PTCSC3: variants seen among roughly 807,000 people sequenced by gnomAD.
PTCSC3 encodes papillary thyroid carcinoma susceptibility candidate 3.
At chr14:36,168,529 A>G (rs1882138504) in intron 1 of PTCSC3, among the ~76,000 whole-genome samples, 1 of 151,882 alleles carries the variant, frequency 6.6e-6, no homozygotes. Flanking sequence ...TTTGTAGCAT[A>G]ACTAGAGTAC....
At chr14:36,136,996 G>T (rs1254259129) in intron 3 of PTCSC3, among the ~76,000 whole-genome samples, 3 of 152,158 alleles carry the variant, frequency 2.0e-5, no homozygotes, top group African/African-American at 7.2e-5. Context: ...TTTCATTCTG[G>T]AAGGGGAAGA....
intron 3 of PTCSC3, among the ~76,000 whole-genome samples, chr14:36,148,456 C>A (rs867180535): frequency 6.6e-6 from 1 of 152,204 alleles, no homozygotes; most frequent in African/African-American, 2.4e-5. Context: ...CTTTCTTTGA[C>A]TCGGAAAGGG....
chr14:36,160,325 T>C (rs1185468652), intron 2 of PTCSC3, among the ~76,000 whole-genome samples: 1 of 152,220 alleles, frequency 6.6e-6, no homozygotes, highest in Non-Finnish European at 1.5e-5. Context: ...ATAGTGTCGA[T>C]GGTCTTTACT....
At chr14:36,168,360 AATATATATATATATATATATATAT>A (rs147400390) in intron 1 of PTCSC3, among the ~76,000 whole-genome samples, 4 of 113,932 alleles carry the variant, frequency 3.5e-5, no homozygotes, top group South Asian at 5.4e-4. Context: ...ATTGATTCTG[AATATATATATATATATATATATAT>A]ATATATATAT....
At chr14:36,160,487 GC>G (rs1881931521) in intron 2 of PTCSC3, among the ~76,000 whole-genome samples, 2 of 152,158 alleles carry the variant, frequency 1.3e-5, no homozygotes, top group African/African-American at 4.8e-5. Context: ...CATTTACGAA[GC>G]TTAGTTTGGC....
At chr14:36,142,197 T>A (rs1881439219) in intron 3 of PTCSC3, among the ~76,000 whole-genome samples, 1 of 152,226 alleles carries the variant, frequency 6.6e-6, no homozygotes, top group Non-Finnish European at 1.5e-5. Flanking sequence ...AAAGTTTTCT[T>A]AAATTTTTAA....
At chr14:36,168,119 T>G (rs1429395493) in intron 1 of PTCSC3, among the ~76,000 whole-genome samples, 2 of 152,042 alleles carry the variant, frequency 1.3e-5, no homozygotes, top group Admixed American at 1.3e-4. Context: ...CTCAGAACTG[T>G]TGCTGCTGAA....
chr14:36,153,481 C>T (rs1881766501), intron 3 of PTCSC3, among the ~76,000 whole-genome samples: 3 of 152,170 alleles, frequency 2.0e-5, no homozygotes, highest in Non-Finnish European at 4.4e-5. Flanking sequence ...TGTTGACACC[C>T]ACAGTGTTAA....
chr14:36,140,477 C>G (rs983312979), intron 3 of PTCSC3, among the ~76,000 whole-genome samples: 3 of 152,168 alleles, frequency 2.0e-5, no homozygotes, highest in African/African-American at 7.2e-5. Flanking sequence ...GATGCGAGGT[C>G]CTGTTGGTCC....
downstream of PTCSC3, among the ~76,000 whole-genome samples, chr14:36,135,504 G>A (rs1439214012): frequency 5.9e-5 from 9 of 152,276 alleles, no homozygotes; most frequent in East Asian, 1.7e-3. Context: ...AAAGAAGGTT[G>A]TCAATTACTA....
At position 36,143,101 on chromosome 14, in the gene PTCSC3, A is replaced by G. The variant is rs1242972174; in HGVS notation, n.323-6745T>C. ...GTTCCAAGTCTTTGCTATTGTGAAT[A>G]GTGCCGCAATAAACATACGTGTGCA... On this transcript the variant is annotated intron_variant and non_coding_transcript_variant, in intron 3 of 3. Coordinates refer to ENST00000556013, the Ensembl canonical transcript of PTCSC3. Among the ~76,000 whole-genome samples the G allele has an allele frequency of 7.3e-5, 11 of 151,550 alleles. No individual in the cohort carries two copies. In the South Asian group the frequency reaches 2.3e-3, roughly 32 times the overall value.
chr14:36,161,378 A>G (rs1435382007), intron 2 of PTCSC3, among the ~76,000 whole-genome samples: 1 of 151,970 alleles, frequency 6.6e-6, no homozygotes, highest in Admixed American at 6.6e-5. Flanking sequence ...TTGGTCTTTG[A>G]TGCTGGTGAC....
chr14:36,146,759 G>A (rs1018159994), intron 3 of PTCSC3, among the ~76,000 whole-genome samples: 5 of 152,134 alleles, frequency 3.3e-5, no homozygotes, highest in East Asian at 3.9e-4. Flanking sequence ...TCCTAGTCTC[G>A]ATGGTCTTTA....
intron 2 of PTCSC3, among the ~76,000 whole-genome samples, chr14:36,156,476 G>C (rs890927627): frequency 6.6e-6 from 1 of 151,930 alleles, no homozygotes; most frequent in Non-Finnish European, 1.5e-5. Context: ...CTAAGTTCTG[G>C]GATACACGTG....
chr14:36,143,799 G>A (rs1233308540), intron 3 of PTCSC3, among the ~76,000 whole-genome samples: 24 of 143,124 alleles, frequency 1.7e-4, no homozygotes, highest in South Asian at 2.4e-4. Context: ...TAGGTCTAAC[G>A]TTTAAGTCTT....
intron 3 of PTCSC3, among the ~76,000 whole-genome samples, chr14:36,151,915 G>A (rs1207228516): frequency 6.6e-6 from 1 of 152,208 alleles, no homozygotes; most frequent in Non-Finnish European, 1.5e-5. Flanking sequence ...GATGTTCACT[G>A]TGATAAACTG....
At chr14:36,157,196 T>C (rs1566507836) in intron 2 of PTCSC3, among the ~76,000 whole-genome samples, 1 of 152,258 alleles carries the variant, frequency 6.6e-6, no homozygotes, top group Non-Finnish European at 1.5e-5. Context: ...GTTTTTCGGC[T>C]GCATAAATGT....
At chr14:36,144,344 G>A (rs1010763856) in intron 3 of PTCSC3, among the ~76,000 whole-genome samples, 3 of 144,974 alleles carry the variant, frequency 2.1e-5, no homozygotes, top group African/African-American at 7.7e-5. Context: ...TTGAGCAGTG[G>A]TTTGTAGTTC....
At chr14:36,144,062 C>T (rs980594042) in intron 3 of PTCSC3, among the ~76,000 whole-genome samples, 12 of 152,168 alleles carry the variant, frequency 7.9e-5, no homozygotes, top group African/African-American at 2.6e-4. Flanking sequence ...GTTACTGTAG[C>T]CTTGTAGTAT....
Sources: allele counts gnomAD v4.1 joint callset (sites outside exome capture counted in the v4.1 genomes callset), GRCh38; gene constraint gnomAD v4.1.1; transcripts MANE v1.5; gene names NCBI Gene and HGNC (gene_info 2026-07-23, HGNC 2026-07-21).